The following ZBTB2 variants were observed in gnomAD, a reference collection of about 807,000 sequenced individuals.
ZBTB2 encodes the protein zinc finger and BTB domain-containing protein 2.
In ZBTB2, 2 loss-of-function variants were observed where a neutral mutation model predicts 39.5. The observed-to-expected ratio is 0.05, with a 90% CI of 0.02 to 0.16. ZBTB2 has a LOEUF of 0.16. ZBTB2 is among the 10% of genes least tolerant of loss of function. The pLI is 1.00. For synonymous variants in ZBTB2, 251 were observed against 256.6 expected (o/e 0.98, Z 0.21); for missense variants, 391 against 653.0 (o/e 0.60, Z 4.37).
chr6:151,382,612 G>A (rs916414643), intron 1 of ZBTB2, among the ~76,000 whole-genome samples: 2 of 149,910 alleles, frequency 1.3e-5, no homozygotes, highest in Non-Finnish European at 3.0e-5. Flanking sequence ...GTGAAATGGC[G>A]CGCAATCTTG....
At position 151,364,459 on chromosome 6, in the gene ZBTB2, A is replaced by T. The variant is rs3186051; in HGVS notation, c.*1062T>A. 13,432 of 152,622 alleles carry T rather than the reference A, an allele frequency of 0.088. 978 individuals are homozygous for T. Among genetic ancestry groups the T allele is most frequent in the African/African-American group, 0.2 (8,154 of 41,508 alleles). The allele number at this position is 152,622 out of a possible 1,614,324, so 9.5% of individuals were successfully genotyped here. On this transcript the variant is annotated 3_prime_UTR_variant, in exon 3 of 3. Transcript: ENST00000325144. ...TCAAGTTTTTTCCCAAACAGCAATT[A>T]GATTTTTTGTCCTGATTTCTCTTTG...
chr6:151,372,921 G>A (rs562476356), intron 2 of ZBTB2, among the ~76,000 whole-genome samples: 11 of 152,126 alleles, frequency 7.2e-5, no homozygotes, highest in Admixed American at 4.6e-4. Flanking sequence ...TTGGGAGGCC[G>A]AGGCGGGCAG....
At chr6:151,370,204 C>T (rs1778757310) in intron 2 of ZBTB2, 4 of 427,652 alleles carry the variant, frequency 9.4e-6, no homozygotes, top group Non-Finnish European at 1.3e-5. Flanking sequence ...GACACGATCT[C>T]GGCTTACTGC....
chr6:151,389,476 C>G (rs969392653), intron 1 of ZBTB2, among the ~76,000 whole-genome samples: 1 of 152,208 alleles, frequency 6.6e-6, no homozygotes, highest in Non-Finnish European at 1.5e-5. Flanking sequence ...GTGGTGTGTA[C>G]AACTCGCCCT....
chr6:151,389,209 C>T (rs1386996266), intron 1 of ZBTB2, among the ~76,000 whole-genome samples: 2 of 152,070 alleles, frequency 1.3e-5, no homozygotes, highest in African/African-American at 2.4e-5. Context: ...ATCACTTGAG[C>T]CCAGAAGTTC....
intron 1 of ZBTB2, among the ~76,000 whole-genome samples, chr6:151,382,443 G>A (rs563351345): frequency 6.6e-6 from 1 of 152,000 alleles, no homozygotes; most frequent in South Asian, 2.1e-4. Context: ...TTAGTAGAGA[G>A]GGGGTTTCTC....
At position 151,384,422 on chromosome 6, in the gene ZBTB2, C is replaced by T. The variant is rs1476566490; in HGVS notation, c.-13+6998G>A. ...CTGGAAAGTGGTCTAGAGGAGACAA[C>T]TGCTAGTGGTCTACAAAAGAGATGA... On this transcript the variant is annotated intron_variant, in intron 1 of 2. Transcript: ENST00000325144. 3.9e-5 allele frequency among the ~76,000 whole-genome samples: 6 copies of T among 152,252 alleles called. No individual in the cohort carries two copies. The South Asian group carries it at 6.2e-4, about 16-fold the overall frequency.
chr6:151,373,435 C>T, intron 2 of ZBTB2, 30 bp downstream of exon 2: 2 of 1,613,084 alleles, frequency 1.2e-6, no homozygotes, highest in Non-Finnish European at 1.7e-6. Flanking sequence ...AGTCTACAGT[C>T]ATTAGGTTAT....
intron 1 of ZBTB2, among the ~76,000 whole-genome samples, chr6:151,377,425 A>G (rs1778938137): frequency 6.7e-6 from 1 of 148,650 alleles, no homozygotes; most frequent in African/African-American, 2.5e-5. Context: ...CTGGAGTGCA[A>G]TGGCACCATC....
intron 1 of ZBTB2, among the ~76,000 whole-genome samples, chr6:151,389,095 G>C (rs1779227052): frequency 6.6e-6 from 1 of 152,160 alleles, no homozygotes; most frequent in Admixed American, 6.6e-5. Flanking sequence ...TTAAAAGGAT[G>C]TCCTATTAGT....
intron 1 of ZBTB2, among the ~76,000 whole-genome samples, chr6:151,390,763 C>CCCTCCCT (rs1255919160): frequency 2.0e-5 from 3 of 151,174 alleles, no homozygotes; most frequent in Admixed American, 6.6e-5. Context: ...CCTCCCCTCC[C>CCCTCCCT]CCTCCCTCCT....
At chr6:151,369,411 G>C (rs1778729767) in intron 2 of ZBTB2, among the ~76,000 whole-genome samples, 1 of 152,086 alleles carries the variant, frequency 6.6e-6, no homozygotes, top group African/African-American at 2.4e-5. Flanking sequence ...GGAGTGCAGT[G>C]GCATGATCAT....
chr6:151,378,793 A>G (rs745560121), intron 1 of ZBTB2, among the ~76,000 whole-genome samples: 13 of 152,192 alleles, frequency 8.5e-5, no homozygotes, highest in Non-Finnish European at 1.8e-4. Flanking sequence ...GGAAAACATT[A>G]CTATTTATCC....
intron 1 of ZBTB2, among the ~76,000 whole-genome samples, chr6:151,390,306 C>G (rs1285161546): frequency 2.1e-5 from 3 of 144,456 alleles, no homozygotes. Context: ...GGGGGCGCGG[C>G]GCCGGGGCCC....
intron 2 of ZBTB2, among the ~76,000 whole-genome samples, chr6:151,367,322 T>G (rs923565289): frequency 6.6e-6 from 1 of 152,180 alleles, no homozygotes; most frequent in Non-Finnish European, 1.5e-5. Flanking sequence ...GGATTCACCA[T>G]GTTGGCCAGG....
chr6:151,371,416 C>A (rs1355202609), intron 2 of ZBTB2, among the ~76,000 whole-genome samples: 1 of 152,168 alleles, frequency 6.6e-6, no homozygotes, highest in Non-Finnish European at 1.5e-5. Flanking sequence ...GTGTTATGAG[C>A]CATAAGCGAG....
Position 151,381,510 on chromosome 6 carries a change from G to C in ZBTB2, c.-12-7861C>G, listed in dbSNP as rs137999555. ...CACTCTAGCCTGGGTGACACAGAGA[G>C]ACTCCATCTAAAAAAAATAAAAAAT... is the stretch of plus-strand genomic sequence containing the variant. On this transcript the variant is annotated intron_variant, in intron 1 of 2. Coordinates refer to ENST00000325144, the MANE Select transcript of ZBTB2 (RefSeq NM_020861.3). Among the ~76,000 whole-genome samples the C allele has an allele frequency of 9.7e-3, 1,467 of 151,694 alleles. 24 individuals carry two copies. Among genetic ancestry groups the C allele is most frequent in the African/African-American group, 0.034 (1,406 of 41,338 alleles).
chr6:151,381,903 C>A (rs974808125), intron 1 of ZBTB2, among the ~76,000 whole-genome samples: 6 of 152,224 alleles, frequency 3.9e-5, no homozygotes, highest in African/African-American at 1.4e-4. Flanking sequence ...ATATTCAATG[C>A]AGTCATACCT....
rs943108209 is a variant in ZBTB2, at chr6:151,365,413, C to A, written c.*108G>T. The stretch of plus-strand genomic sequence containing the variant: ...GGAAAAGGGGAAGAGGAGAAGAGAA[C>A]AAGGACCTGTTTGTATCATGCCATG... On this transcript the variant is annotated 3_prime_UTR_variant, in exon 3 of 3. Coordinates refer to ENST00000325144, the MANE Select transcript of ZBTB2 (RefSeq NM_020861.3). The surrounding 1 kb of genome is among the most constrained non-coding windows in gnomAD (Gnocchi z 5.6). 8 of 1,307,652 alleles carry A rather than the reference C, an allele frequency of 6.1e-6. No individual in the cohort carries two copies. In the African/African-American group the frequency reaches 1.2e-4, roughly 19 times the overall value. The allele number at this position is 1,307,652 out of a possible 1,614,324, so 81.0% of individuals were successfully genotyped here. A position where few individuals can be genotyped will look rare whatever the true frequency, so the allele number is the denominator to read the frequency against.
Sources: gnomAD v4.1 joint callset for allele counts (sites outside exome capture counted in the v4.1 genomes callset) on GRCh38, gnomAD v4.1.1 for gene constraint, Gnocchi (gnomAD v3.1) non-coding constraint, MANE v1.5 for transcripts, NCBI Gene and HGNC (gene_info 2026-07-23, HGNC 2026-07-21) for gene names.